Variants in PCDH15 observed in about 807,000 individuals in gnomAD.
The protein encoded by PCDH15 is protocadherin-15.
In PCDH15, 129 loss-of-function variants were observed where a neutral mutation model predicts 178.5. That is an observed-to-expected ratio of 0.72 (90% CI 0.63 to 0.84). The LOEUF (loss-of-function observed/expected upper bound fraction) is 0.84. PCDH15 is among the 40% of genes least tolerant of loss of function. The pLI is 0.00. For synonymous variants in PCDH15, 800 were observed against 732.0 expected, an observed-to-expected ratio of 1.09 and a Z score of -1.50; for missense variants, 2,230 against 2,099.9, an observed-to-expected ratio of 1.06 and a Z score of -1.21.
At chr10:55,446,022 T>C (rs1839308294) in intron 2 of PCDH15, among the ~76,000 whole-genome samples, 1 of 152,134 alleles carries the variant, frequency 6.6e-6, no homozygotes, top group African/African-American at 2.4e-5. Flanking sequence ...CACACATTGC[T>C]TCTGTTCAGT....
chr10:55,527,336 C>G (rs1841322595), intron 2 of PCDH15, among the ~76,000 whole-genome samples: 1 of 152,076 alleles, frequency 6.6e-6, no homozygotes, highest in South Asian at 2.1e-4. Context: ...CTCCATGCCT[C>G]TTGCCTACCT....
chr10:54,679,129 G>A (rs959311532), intron 1 of PCDH15, among the ~76,000 whole-genome samples: 1 of 145,164 alleles, frequency 6.9e-6, no homozygotes, highest in Non-Finnish European at 1.5e-5. Flanking sequence ...GGCGGAGCTT[G>A]CAGTGAGCCG....
intron 5 of PCDH15, among the ~76,000 whole-genome samples, chr10:54,357,396 G>C (rs541508395): frequency 3.0e-4 from 46 of 152,270 alleles, no homozygotes; most frequent in African/African-American, 6.3e-4. Flanking sequence ...CAAATCATGA[G>C]TGATCTCCCA....
At chr10:54,887,394 G>T (rs1954378152) in intron 3 of PCDH15, among the ~76,000 whole-genome samples, 1 of 152,066 alleles carries the variant, frequency 6.6e-6, no homozygotes, top group Non-Finnish European at 1.5e-5. Context: ...TAGACACAAT[G>T]TTTAAGTGAA....
chr10:54,274,121 A>G (rs1225269166), intron 8 of PCDH15, among the ~76,000 whole-genome samples: 2 of 152,028 alleles, frequency 1.3e-5, no homozygotes, highest in African/African-American at 4.8e-5. Context: ...GGGACAGCAC[A>G]CACTGGGGCT....
intron 2 of PCDH15, among the ~76,000 whole-genome samples, chr10:55,089,604 G>A (rs766724562): frequency 6.6e-6 from 1 of 152,014 alleles, no homozygotes; most frequent in South Asian, 2.1e-4. Context: ...ATAATAACCT[G>A]AAGAATTTGT....
At chr10:54,857,269 A>G (rs932430931) in intron 3 of PCDH15, among the ~76,000 whole-genome samples, 3 of 152,202 alleles carry the variant, frequency 2.0e-5, no homozygotes, top group Admixed American at 2.0e-4. Context: ...ATGAACTCAT[A>G]AATATAAACT....
chr10:55,289,823 AT>A (rs1359965731), intron 1 of PCDH15, among the ~76,000 whole-genome samples: 1 of 152,074 alleles, frequency 6.6e-6, no homozygotes, highest in African/African-American at 2.4e-5. Context: ...GCTCTTGTGA[AT>A]GGATTAATAT....
chr10:54,895,473 A>G (rs1050841027), intron 3 of PCDH15, among the ~76,000 whole-genome samples: 2 of 152,188 alleles, frequency 1.3e-5, no homozygotes, highest in South Asian at 2.1e-4. Context: ...TGAAAAACTT[A>G]TTTCATCATT....
At chr10:55,331,232 G>A (rs1052907482) in intron 2 of PCDH15, among the ~76,000 whole-genome samples, 17 of 151,820 alleles carry the variant, frequency 1.1e-4, no homozygotes, top group Non-Finnish European at 1.3e-4. Flanking sequence ...CACAACTCAC[G>A]AGTGTTACTA....
Position 53,903,295 on chromosome 10 carries a change from A to G in PCDH15, c.3449T>C (p.Ile1150Thr). The G allele has an allele frequency of 6.2e-7, 1 of 1,613,220 alleles. No homozygotes were observed. The highest frequency in any genetic ancestry group is 1.7e-5 in the Admixed American group (1 of 59,996). ...TCTTGCATCTTCAGATACACCTCCG[A>G]TGTAGAATTTTTTCTGAAACACTGG... is the stretch of plus-strand genomic sequence containing the variant. Reference protein sequence around the residue: ...HPPVFQKKFYIGGVSEDARMF... With the variant: ...HPPVFQKKFYTGGVSEDARMF... Residue 1150 changes from isoleucine to threonine, a missense_variant, in exon 26 of 38, where the codon ATC (isoleucine) becomes ACC (threonine). Coordinates refer to ENST00000644397, the MANE Select transcript of PCDH15 (RefSeq NM_001384140.1).
At chr10:54,196,400 C>T (rs1188041034) in intron 10 of PCDH15, among the ~76,000 whole-genome samples, 1 of 152,104 alleles carries the variant, frequency 6.6e-6, no homozygotes, top group African/African-American at 2.4e-5. Context: ...CCTCAGCCTC[C>T]CAAAGTGCTG....
rs113605589 is a variant in PCDH15, at chr10:53,984,430, G to A, written c.2868+11219C>T. On this transcript the variant is annotated intron_variant, in intron 21 of 37. Transcript: ENST00000644397. ...CTCCCAAATTGCTGGGATTACAGGC[G>A]TGAGCCACCGTGCCTGGCCTTACTT... 2.6e-3 allele frequency among the ~76,000 whole-genome samples: 402 copies of A among 152,100 alleles called. 2 individuals carry two copies. The highest frequency in any genetic ancestry group is 9.3e-3 in the African/African-American group (386 of 41,504).
At chr10:54,321,698 G>A (rs566665532) in intron 7 of PCDH15, among the ~76,000 whole-genome samples, 1 of 152,018 alleles carries the variant, frequency 6.6e-6, no homozygotes, top group South Asian at 2.1e-4. Flanking sequence ...ATACTGGTGT[G>A]TTAAAGATAG....
rs58039735 is a variant in PCDH15 at position 54,766,544 on chromosome 10, G to GA, written c.-29+34380dup. 9.2e-3 allele frequency among the ~76,000 whole-genome samples: 1,313 copies of GA among 142,990 alleles called. 16 individuals carry two copies. The highest frequency in any genetic ancestry group is 0.029 in the African/African-American group (1,139 of 38,900). 93.8% of individuals were successfully genotyped at this position (142,990 alleles called of 152,430 possible). On this transcript the variant is annotated intron_variant, in intron 1 of 37. Coordinates refer to ENST00000644397, the MANE Select transcript of PCDH15 (RefSeq NM_001384140.1). ...CCCCAGGTGAATGCAATTGATACAA[G>GA]AAAAAAAAAAAGGAGTTCCTTTCTC... is the stretch of plus-strand genomic sequence containing the variant.
At position 54,099,516 on chromosome 10, in the gene PCDH15, AT is replaced by A. The variant is rs1222926474; in HGVS notation, c.1918-9454del. Among the ~76,000 whole-genome samples the A allele has an allele frequency of 9.1e-4, 84 of 92,538 alleles. 1 individual carries two copies. Among genetic ancestry groups the A allele is most frequent in the East Asian group, 4.1e-3 (5 of 1,222 alleles). The allele number at this position is 92,538 out of a possible 152,430, so 60.7% of individuals were successfully genotyped here. A position where few individuals can be genotyped will look rare whatever the true frequency, so the allele number is the denominator to read the frequency against. Reference sequence around the variant, plus strand: ...TCCATCTCAAAAAAAAAAAAAAAATATATATATATATATATAAAACAAAAAA... The same window carrying A: ...TCCATCTCAAAAAAAAAAAAAAAATAATATATATATATATAAAACAAAAAA... On this transcript the variant is annotated intron_variant, in intron 15 of 37. Transcript: ENST00000644397.
intron 2 of PCDH15, among the ~76,000 whole-genome samples, chr10:55,396,069 AAATAG>A (rs1311601580): frequency 6.6e-6 from 1 of 152,202 alleles, no homozygotes; most frequent in Non-Finnish European, 1.5e-5. Flanking sequence ...GTTAGATAAA[AAATAG>A]AATAAAATTC....
At chr10:55,269,955 T>A (rs2132245520) in intron 1 of PCDH15, among the ~76,000 whole-genome samples, 1 of 151,992 alleles carries the variant, frequency 6.6e-6, no homozygotes, top group South Asian at 2.1e-4. Context: ...TGGAGCAGAA[T>A]AAAAAACTTG....
chr10:55,244,299 T>C (rs1251873551), intron 1 of PCDH15, among the ~76,000 whole-genome samples: 4 of 151,942 alleles, frequency 2.6e-5, no homozygotes, highest in African/African-American at 9.7e-5. Flanking sequence ...TTTAGTAGAG[T>C]GAAATATTTG....
Sources: allele counts gnomAD v4.1 joint callset (sites outside exome capture counted in the v4.1 genomes callset), GRCh38; gene constraint gnomAD v4.1.1; transcripts MANE v1.5; gene names NCBI Gene and HGNC (gene_info 2026-07-23, HGNC 2026-07-21).